Variants in SLC30A7 observed in about 807,000 individuals in gnomAD.
SLC30A7 encodes the protein zinc transporter 7.
Under a neutral mutation model 46.0 loss-of-function variants are expected in SLC30A7, and 35 were observed. The observed-to-expected ratio is 0.76, with a 90% CI of 0.58 to 1.01. The LOEUF is 1.01. Among genes scored for constraint, SLC30A7 ranks in the 50% least tolerant of loss-of-function variants. The pLI is 0.00. For synonymous variants in SLC30A7, 147 were observed against 157.8 expected, an observed-to-expected ratio of 0.93 and a Z score of 0.51; for missense variants, 464 against 451.1, an observed-to-expected ratio of 1.03 and a Z score of -0.26.
At chr1:100,925,561 G>A (rs1335991277) in intron 8 of SLC30A7, among the ~76,000 whole-genome samples, 1 of 152,126 alleles carries the variant, frequency 6.6e-6, no homozygotes, top group Non-Finnish European at 1.5e-5. Context: ...ATGCTTTGGG[G>A]TACAGCTAAC....
intron 6 of SLC30A7, among the ~76,000 whole-genome samples, chr1:100,914,088 G>T (rs1652311237): frequency 6.6e-6 from 1 of 151,944 alleles, no homozygotes; most frequent in Admixed American, 6.6e-5. Context: ...TACATAGTAG[G>T]TGTATATATT....
intron 8 of SLC30A7, among the ~76,000 whole-genome samples, chr1:100,954,383 A>T (rs1030878305): frequency 6.6e-6 from 1 of 152,170 alleles, no homozygotes; most frequent in Non-Finnish European, 1.5e-5. Context: ...AGGTTACTTA[A>T]GGTTGTTGTG....
At chr1:100,947,649 T>TA (rs1423912731) in intron 8 of SLC30A7, among the ~76,000 whole-genome samples, 1 of 152,180 alleles carries the variant, frequency 6.6e-6, no homozygotes, top group Non-Finnish European at 1.5e-5. Context: ...AGTGGGGTGT[T>TA]AAAGTCTCCC....
intron 10 of SLC30A7, among the ~76,000 whole-genome samples, chr1:100,969,600 T>C (rs1328553837): frequency 6.6e-6 from 1 of 152,254 alleles, no homozygotes; most frequent in East Asian, 1.9e-4. Flanking sequence ...TGGCTGAAAT[T>C]GAAAGTTTAT....
chr1:100,992,140 A>G, the SLC30A7 span, among the ~76,000 whole-genome samples: 2 of 152,040 alleles, frequency 1.3e-5, no homozygotes, highest in Admixed American at 6.6e-5. Context: ...TATTGACAAT[A>G]AACATTTCTA....
intron 8 of SLC30A7, among the ~76,000 whole-genome samples, chr1:100,954,533 T>A (rs1655128843): frequency 6.6e-6 from 1 of 152,186 alleles, no homozygotes; most frequent in African/African-American, 2.4e-5. Context: ...TTAGGTGTTA[T>A]AACTAAGTTC....
chr1:100,993,495 C>A, the SLC30A7 span, among the ~76,000 whole-genome samples: 2 of 143,192 alleles, frequency 1.4e-5, 1 homozygote, highest in South Asian at 4.4e-4. Context: ...GAGGTTGCAG[C>A]GAGCTGAGAT....
At chr1:100,927,361 C>T (rs1355495078) in intron 8 of SLC30A7, among the ~76,000 whole-genome samples, 1 of 152,002 alleles carries the variant, frequency 6.6e-6, no homozygotes. Flanking sequence ...GTTTTAGAAG[C>T]CTTGTAAAGA....
intron 8 of SLC30A7, among the ~76,000 whole-genome samples, chr1:100,953,015 TAG>T (rs1032576461): frequency 1.3e-5 from 2 of 152,132 alleles, no homozygotes; most frequent in African/African-American, 2.4e-5. Context: ...ATCATGGGTG[TAG>T]ATTTCCCCCT....
At chr1:100,990,224 T>G in the SLC30A7 span, 1 of 600,450 alleles carries the variant, frequency 1.7e-6, no homozygotes, top group South Asian at 2.0e-5. Context: ...CCATCAGATC[T>G]CATGAAAGCT....
rs76066337 is a variant in SLC30A7, at chr1:100,964,841, G to A, written c.934-928G>A. Among the ~76,000 whole-genome samples the A allele has an allele frequency of 8.4e-3, 1,273 of 152,218 alleles. 15 individuals carry two copies. The highest frequency in any genetic ancestry group is 0.025 in the African/African-American group (1,028 of 41,550). ...TCTGGCTAAAACAGCTATGTTGTCAGAGTCCAAAAAGAGGAAGAAAAAGTA... is the reference window on the plus strand; with the variant it reads ...TCTGGCTAAAACAGCTATGTTGTCAAAGTCCAAAAAGAGGAAGAAAAAGTA... On this transcript the variant is annotated intron_variant, in intron 9 of 10. Coordinates refer to ENST00000357650, the MANE Select transcript of SLC30A7 (RefSeq NM_133496.5).
At chr1:100,913,380 A>G (rs572616669) in intron 5 of SLC30A7, among the ~76,000 whole-genome samples, 1 of 152,334 alleles carries the variant, frequency 6.6e-6, no homozygotes, top group Non-Finnish European at 1.5e-5. Context: ...AAATGAATGA[A>G]TATCATTATC....
intron 2 of SLC30A7, among the ~76,000 whole-genome samples, chr1:100,905,917 GTC>G (rs1651629462): frequency 6.6e-6 from 1 of 152,102 alleles, no homozygotes; most frequent in Non-Finnish European, 1.5e-5. Flanking sequence ...TTAACAATGA[GTC>G]TCTCTTTTTT....
intron 7 of SLC30A7, 92 bp downstream of exon 7, chr1:100,918,219 A>C: frequency 9.6e-7 from 1 of 1,041,842 alleles, no homozygotes. Context: ...TTTAAGAAAA[A>C]TATAAAACAT....
downstream of SLC30A7, among the ~76,000 whole-genome samples, chr1:100,985,363 C>T (rs1034884862): frequency 2.6e-5 from 4 of 152,128 alleles, no homozygotes; most frequent in African/African-American, 9.7e-5. Flanking sequence ...ATATCCACAC[C>T]ATCTCAAACA....
chr1:100,949,605 G>A (rs1295348464), intron 8 of SLC30A7, among the ~76,000 whole-genome samples: 4 of 152,318 alleles, frequency 2.6e-5, no homozygotes, highest in Non-Finnish European at 2.9e-5. Flanking sequence ...GTTCAGCTAT[G>A]CCTTGCCCAC....
intron 8 of SLC30A7, among the ~76,000 whole-genome samples, chr1:100,942,223 A>G (rs1654389908): frequency 6.6e-6 from 1 of 152,252 alleles, no homozygotes; most frequent in Non-Finnish European, 1.5e-5. Flanking sequence ...CTTTGCTGAT[A>G]GGAATGAGAA....
intron 10 of SLC30A7, among the ~76,000 whole-genome samples, chr1:100,967,438 G>A (rs1655927463): frequency 6.6e-6 from 1 of 152,136 alleles, no homozygotes; most frequent in Admixed American, 6.5e-5. Context: ...GCTGTGAGTG[G>A]CCTTGTTCCT....
At chr1:100,982,169 T>C (rs1395744818), downstream of SLC30A7, among the ~76,000 whole-genome samples, 1 of 152,248 alleles carries the variant, frequency 6.6e-6, no homozygotes, top group Non-Finnish European at 1.5e-5. Context: ...TCTTCCACAG[T>C]ATCCCATGCA....
Sources: gnomAD v4.1 joint callset for allele counts (sites outside exome capture counted in the v4.1 genomes callset) on GRCh38, gnomAD v4.1.1 for gene constraint, MANE v1.5 for transcripts, NCBI Gene and HGNC (gene_info 2026-07-23, HGNC 2026-07-21) for gene names.